Variants in PTBP3 observed in about 807,000 individuals in gnomAD.
PTBP3 encodes polypyrimidine tract binding protein 3.
In PTBP3, 20 loss-of-function variants were observed where a neutral mutation model predicts 58.7. The ratio of observed to expected loss-of-function variants is 0.34; its 90% CI spans 0.24 to 0.50. The LOEUF (loss-of-function observed/expected upper bound fraction) is 0.50. PTBP3 is among the 20% of genes least tolerant of loss of function. PTBP3 has a pLI of 0.98. For synonymous variants in PTBP3, 185 were observed against 219.8 expected, an observed-to-expected ratio of 0.84 and a Z score of 1.40; for missense variants, 509 against 637.2, an observed-to-expected ratio of 0.80 and a Z score of 2.17.
At chr9:112,229,033 A>T (rs1417111) in intron 10 of PTBP3, among the ~76,000 whole-genome samples, 84,063 of 152,054 alleles carry the variant, frequency 0.55, 24,834 homozygotes, top group African/African-American at 0.78. Flanking sequence ...CATATCCTAA[A>T]GGATGGGTAA....
At chr9:112,348,217 T>C in the PTBP3 span, among the ~76,000 whole-genome samples, 2 of 152,232 alleles carry the variant, frequency 1.3e-5, no homozygotes, top group Admixed American at 6.5e-5. Flanking sequence ...GTCCAAGGAA[T>C]GTCGGGCGGC....
At position 112,268,035 on chromosome 9, in the gene PTBP3, T is replaced by A. The variant is rs761677898; in HGVS notation, c.351+14A>T. 8 of 1,597,370 alleles carry A rather than the reference T, an allele frequency of 5.0e-6. No homozygotes were observed. Among genetic ancestry groups the A allele is most frequent in the Non-Finnish European group, 6.0e-6 (7 of 1,172,492 alleles). The stretch of plus-strand genomic sequence containing the variant: ...GTTCCCATACCTATTTTTAAAAACA[T>A]CTTTAATACTTACAGCTTGATTAGG... On this transcript the variant is annotated intron_variant, in intron 4 of 13. Transcript: ENST00000374257.
intron 1 of PTBP3, among the ~76,000 whole-genome samples, 186 bp downstream of exon 1, chr9:112,333,284 G>A (rs1041019474): frequency 6.6e-6 from 1 of 152,058 alleles, no homozygotes; most frequent in South Asian, 2.1e-4. Context: ...TGCGGCGGAC[G>A]GCAACTCCGC....
chr9:112,312,859 C>G (rs745550177), intron 1 of PTBP3, among the ~76,000 whole-genome samples: 13 of 151,918 alleles, frequency 8.6e-5, no homozygotes. Context: ...GCCCAGGCAA[C>G]ATGGCGAAAC....
At chr9:112,362,718 C>A in the PTBP3 span, 2 of 185,862 alleles carry the variant, frequency 1.1e-5, no homozygotes, top group African/African-American at 2.4e-5. Context: ...ACCATCATGG[C>A]CACCATCAGA....
chr9:112,248,962 A>C (rs1294881387), intron 7 of PTBP3, among the ~76,000 whole-genome samples: 2 of 152,260 alleles, frequency 1.3e-5, no homozygotes, highest in Non-Finnish European at 2.9e-5. Context: ...ACATGTATGA[A>C]TATGGATGAA....
chr9:112,332,986 T>C (rs1830439414), intron 1 of PTBP3: 1 of 1,316,918 alleles, frequency 7.6e-7, no homozygotes, highest in South Asian at 2.4e-5. Flanking sequence ...CCCAGACGTG[T>C]ACCGACGCGT....
the PTBP3 span, among the ~76,000 whole-genome samples, chr9:112,373,518 C>T: frequency 6.6e-6 from 1 of 152,158 alleles, no homozygotes; most frequent in Admixed American, 6.5e-5. Flanking sequence ...CACAGACACA[C>T]CGAGGATCAA....
intron 2 of PTBP3, among the ~76,000 whole-genome samples, chr9:112,287,592 C>T (rs1307674488): frequency 2.0e-5 from 3 of 152,022 alleles, no homozygotes; most frequent in African/African-American, 7.2e-5. Flanking sequence ...CCACCCGCCT[C>T]GGCCTCCCAA....
At chr9:112,279,094 T>C (rs994308759) in intron 2 of PTBP3, among the ~76,000 whole-genome samples, 2 of 152,144 alleles carry the variant, frequency 1.3e-5, no homozygotes, top group Admixed American at 1.3e-4. Context: ...TGGGAAAGGG[T>C]TATATGTAAA....
chr9:112,359,294 A>G, the PTBP3 span, among the ~76,000 whole-genome samples: 2 of 151,068 alleles, frequency 1.3e-5, no homozygotes, highest in African/African-American at 4.9e-5. Flanking sequence ...ATAGAAAAAA[A>G]AAATTAGCCG....
chr9:112,243,529 G>A (rs1297399930), intron 7 of PTBP3, among the ~76,000 whole-genome samples: 5 of 151,810 alleles, frequency 3.3e-5, no homozygotes, highest in African/African-American at 7.3e-5. Flanking sequence ...GCAACAGATC[G>A]AGACTCTGTC....
At chr9:112,248,978 A>G (rs1293421634) in intron 7 of PTBP3, among the ~76,000 whole-genome samples, 1 of 152,260 alleles carries the variant, frequency 6.6e-6, no homozygotes, top group Admixed American at 6.5e-5. Flanking sequence ...ATGAATCACC[A>G]AAGACATACA....
the PTBP3 span, among the ~76,000 whole-genome samples, chr9:112,349,340 T>A: frequency 9.2e-5 from 14 of 152,186 alleles, no homozygotes; most frequent in Admixed American, 5.2e-4. Context: ...CGAGTGTTCC[T>A]GAGTTGTGTT....
intron 2 of PTBP3, among the ~76,000 whole-genome samples, chr9:112,276,240 C>T (rs111309271): frequency 0.014 from 2,192 of 152,202 alleles, 64 homozygotes; most frequent in African/African-American, 0.05. Context: ...TTTTTTAAAA[C>T]TGAAGTCTGA....
intron 1 of PTBP3, among the ~76,000 whole-genome samples, chr9:112,324,371 G>A (rs1486211320): frequency 1.3e-5 from 2 of 152,262 alleles, no homozygotes; most frequent in East Asian, 3.9e-4. Context: ...GTATGTTGAG[G>A]GCCTGGTGCA....
In PTBP3 at chr9:112,245,294, G is replaced by A. The variant is rs181622701; in HGVS notation, c.802+5635C>T. ...CACTGCATTCCAGCCTGGGCAGAGC[G>A]AGACTCTGCCTCAAAAACACAAACA... On this transcript the variant is annotated intron_variant, in intron 7 of 13. Transcript: ENST00000374257. Among the ~76,000 whole-genome samples, 145 of 152,268 alleles carry A rather than the reference G, an allele frequency of 9.5e-4. 2 individuals carry two copies. The highest frequency in any genetic ancestry group is 3.4e-3 in the African/African-American group (140 of 41,538).
At chr9:112,358,263 C>G in the PTBP3 span, among the ~76,000 whole-genome samples, 1 of 152,046 alleles carries the variant, frequency 6.6e-6, no homozygotes, top group Non-Finnish European at 1.5e-5. Flanking sequence ...TGAGTAGATA[C>G]CATGCCACTG....
Position 112,227,461 on chromosome 9 carries a change from G to T in PTBP3, c.1314C>A (p.Asn438Lys). The T allele has an allele frequency of 1.2e-6, 2 of 1,614,010 alleles. No homozygotes were observed. Among genetic ancestry groups the T allele is most frequent in the Non-Finnish European group, 1.7e-6 (2 of 1,179,928 alleles). ...LHRFKKPGSK[N>K]FQNIFPPSAT... ...CTGATGGTGGAAAGATATTCTGGAA[G>T]TTTTTAGAGCCCGGCTTTTTAAAGC... is the stretch of plus-strand genomic sequence containing the variant. Residue 438 changes from asparagine (N) to lysine (K), a missense_variant, in exon 12 of 14, where the codon AAC becomes AAA. Asn to Lys is a moderately conservative substitution (Grantham distance 94). Around this residue, in one of 4 missense-constraint regions of PTBP3, gnomAD observed 135 missense variants for 229.0 expected, o/e 0.59. Coordinates refer to ENST00000374257, the MANE Select transcript of PTBP3 (RefSeq NM_001163788.4).
Sources: allele counts gnomAD v4.1 joint callset (sites outside exome capture counted in the v4.1 genomes callset), GRCh38; gene constraint gnomAD v4.1.1; regional missense constraint gnomAD v4.1.1; transcripts MANE v1.5; gene names NCBI Gene and HGNC (gene_info 2026-07-23, HGNC 2026-07-21).